Variants in FRMD3 observed in about 807,000 individuals in gnomAD.
FRMD3 encodes the protein FERM domain containing 3, also known as FERM domain-containing protein 3.
Under a neutral mutation model 70.2 loss-of-function variants are expected in FRMD3, and 33 were observed. That is an observed-to-expected ratio of 0.47 (90% CI 0.36 to 0.63). The LOEUF (loss-of-function observed/expected upper bound fraction) is 0.63. FRMD3 is among the 20% of genes least tolerant of loss of function. The pLI, the probability that FRMD3 is intolerant of heterozygous loss-of-function variation, is 0.00. For missense variants in FRMD3, 632 were observed against 711.4 expected, an observed-to-expected ratio of 0.89 and a Z score of 1.27; for synonymous variants, 279 against 255.9, an observed-to-expected ratio of 1.09 and a Z score of -0.86.
intron 1 of FRMD3, among the ~76,000 whole-genome samples, chr9:83,476,381 CTCAAA>C (rs1448739033): frequency 5.6e-4 from 61 of 109,280 alleles, no homozygotes; most frequent in Middle Eastern, 5.0e-3. Flanking sequence ...AAGACTCTCT[CTCAAA>C]AAAAAAAAAA....
At chr9:83,433,700 A>G (rs1827048006) in intron 1 of FRMD3, among the ~76,000 whole-genome samples, 1 of 152,188 alleles carries the variant, frequency 6.6e-6, no homozygotes, top group Non-Finnish European at 1.5e-5. Context: ...ACAGTGACAG[A>G]TCATCAGGCA....
At chr9:83,358,521 G>A (rs1824478503) in intron 3 of FRMD3, among the ~76,000 whole-genome samples, 1 of 152,090 alleles carries the variant, frequency 6.6e-6, no homozygotes, top group Non-Finnish European at 1.5e-5. Context: ...ATTGCCTTCG[G>A]CAGTATGGTC....
intron 1 of FRMD3, among the ~76,000 whole-genome samples, chr9:83,487,188 C>A (rs894453768): frequency 1.3e-5 from 2 of 152,120 alleles, no homozygotes; most frequent in Admixed American, 1.3e-4. Context: ...AAAATTTATG[C>A]CAGTAGTCAC....
intron 10 of FRMD3, among the ~76,000 whole-genome samples, chr9:83,301,803 A>T (rs964187305): frequency 6.6e-6 from 1 of 152,268 alleles, no homozygotes; most frequent in African/African-American, 2.4e-5. Context: ...AAAGTGACTC[A>T]AAAGAAGCAG....
chr9:83,251,895 C>G (rs1158397151), intron 13 of FRMD3, among the ~76,000 whole-genome samples: 1 of 152,150 alleles, frequency 6.6e-6, no homozygotes, highest in African/African-American at 2.4e-5. Context: ...ATCCCTGATT[C>G]TGACTGAGGT....
In FRMD3 at chr9:83,478,886, C is replaced by A. The variant is rs116018309; in HGVS notation, c.147+59199G>T. Among the ~76,000 whole-genome samples the A allele has an allele frequency of 7.5e-3, 1,138 of 152,172 alleles. 20 individuals carry two copies. Among genetic ancestry groups the A allele is most frequent in the African/African-American group, 0.026 (1,096 of 41,514 alleles). On this transcript the variant is annotated intron_variant, in intron 1 of 13. Coordinates refer to ENST00000304195, the MANE Select transcript of FRMD3 (RefSeq NM_174938.6). ...CAGAGTTCCTTGGACAGAGCTTCTG[C>A]ATATTATGTTGTAATTATTTATTTG... is the stretch of plus-strand genomic sequence containing the variant.
chr9:83,446,795 T>G (rs1827487941), intron 1 of FRMD3, among the ~76,000 whole-genome samples: 1 of 152,202 alleles, frequency 6.6e-6, no homozygotes, highest in Admixed American at 6.5e-5. Flanking sequence ...TCCTTTACTC[T>G]GCATATATGA....
intron 1 of FRMD3, among the ~76,000 whole-genome samples, chr9:83,393,205 G>C (rs896379444): frequency 6.6e-6 from 1 of 152,098 alleles, no homozygotes; most frequent in African/African-American, 2.4e-5. Flanking sequence ...TCTCAATACT[G>C]GTCCTTATTA....
intron 4 of FRMD3, among the ~76,000 whole-genome samples, chr9:83,347,514 C>T (rs554616213): frequency 6.6e-6 from 1 of 152,192 alleles, no homozygotes; most frequent in African/African-American, 2.4e-5. Context: ...AGAGCATTTA[C>T]AAAAGCCCCA....
In FRMD3 at chr9:83,391,925, G is replaced by GCACTGCT. The variant is rs1394001772; in HGVS notation, c.148-2224_148-2218dup. Among the ~76,000 whole-genome samples, 3 of 152,230 alleles carry GCACTGCT rather than the reference G, an allele frequency of 2.0e-5. No individual in the cohort carries two copies. The East Asian group carries it at 5.8e-4, about 29-fold the overall frequency. ...GAGCCTGTTGGAGACAGAATCTCAGGCACTGCTCTAGCCCTGCTGCACCTG... is the reference window on the plus strand; with the variant it reads ...GAGCCTGTTGGAGACAGAATCTCAGGCACTGCTCACTGCTCTAGCCCTGCTGCACCTG... On this transcript the variant is annotated intron_variant, in intron 1 of 13. Transcript: ENST00000304195.
chr9:83,412,616 G>A lies in FRMD3; in HGVS notation c.148-22908C>T, dbSNP rs76603442. ...GCAACTTTCCTTATGCCAGTGATAC[G>A]GCTTTTGCCGCAACCAACCAGAGGA... is the stretch of plus-strand genomic sequence containing the variant. On this transcript the variant is annotated intron_variant, in intron 1 of 13. Transcript: ENST00000304195. 1.9e-3 allele frequency among the ~76,000 whole-genome samples: 290 copies of A among 152,310 alleles called. 11 individuals are homozygous for A. In the East Asian group the frequency reaches 0.051, roughly 27 times the overall value.
chr9:83,319,253 A>G (rs1306832211), intron 6 of FRMD3, among the ~76,000 whole-genome samples: 1 of 152,106 alleles, frequency 6.6e-6, no homozygotes. Context: ...ATTGGTCACA[A>G]ATTCTTTGGT....
At chr9:83,535,859 G>A (rs115559856) in intron 1 of FRMD3, among the ~76,000 whole-genome samples, 1,938 of 152,188 alleles carry the variant, frequency 0.013, 47 homozygotes, top group African/African-American at 0.043. Flanking sequence ...TTCTATAGAA[G>A]GAAGGAAGCA....
chr9:83,504,087 G>A (rs187786833), intron 1 of FRMD3, among the ~76,000 whole-genome samples: 152 of 152,240 alleles, frequency 1.0e-3, no homozygotes, highest in Middle Eastern at 3.4e-3. Context: ...CATGGCCTTC[G>A]GGTTTGTACT....
At chr9:83,550,142 G>A in the FRMD3 span, among the ~76,000 whole-genome samples, 3 of 152,246 alleles carry the variant, frequency 2.0e-5, no homozygotes, top group East Asian at 3.9e-4. Flanking sequence ...TGTAAGGAAT[G>A]GGTCCAGCTT....
intron 13 of FRMD3, among the ~76,000 whole-genome samples, chr9:83,277,753 A>G (rs1301269183): frequency 6.6e-6 from 1 of 152,242 alleles, no homozygotes; most frequent in Non-Finnish European, 1.5e-5. Flanking sequence ...TTCTACTTGT[A>G]TGCTTTCTTT....
At chr9:83,313,380 T>C (rs1835436805) in intron 7 of FRMD3, among the ~76,000 whole-genome samples, 2 of 152,184 alleles carry the variant, frequency 1.3e-5, no homozygotes, top group Admixed American at 1.3e-4. Context: ...AGCCTGTAAC[T>C]CCTCAGGGGC....
intron 3 of FRMD3, among the ~76,000 whole-genome samples, chr9:83,350,426 C>T (rs1306068857): frequency 6.6e-6 from 1 of 151,228 alleles, no homozygotes; most frequent in Non-Finnish European, 1.5e-5. Flanking sequence ...ACCAGCCTGA[C>T]CAACATGGAG....
chr9:83,449,415 T>C (rs540452381), intron 1 of FRMD3, among the ~76,000 whole-genome samples: 8 of 152,218 alleles, frequency 5.3e-5, no homozygotes, highest in Non-Finnish European at 1.0e-4. Flanking sequence ...TGGGATCACA[T>C]AAGCTTCCTG....
Sources: gnomAD v4.1 joint callset for allele counts (sites outside exome capture counted in the v4.1 genomes callset) on GRCh38, gnomAD v4.1.1 for gene constraint, MANE v1.5 for transcripts, NCBI Gene and HGNC (gene_info 2026-07-23, HGNC 2026-07-21) for gene names.